Variants in OXA1L observed in about 807,000 individuals in gnomAD.
OXA1L encodes OXA1L mitochondrial inner membrane insertase.
In OXA1L, 42 loss-of-function variants were observed where a neutral mutation model predicts 52.2. That is an observed-to-expected ratio of 0.80 (90% confidence interval 0.63 to 1.04). OXA1L has a LOEUF of 1.04. Among genes scored for constraint, OXA1L ranks in the 50% least tolerant of loss-of-function variants. The pLI is 0.00. For missense variants in OXA1L, 572 were observed against 555.0 expected, an observed-to-expected ratio of 1.03 and a Z score of -0.31; for synonymous variants, 239 against 201.9, an observed-to-expected ratio of 1.18 and a Z score of -1.56.
chr14:22,766,929 C>T (rs763204005), intron 1 of OXA1L, 165 bp downstream of exon 1: 59 of 1,514,242 alleles, frequency 3.9e-5, no homozygotes, highest in Non-Finnish European at 4.6e-5. Context: ...GTCCCCGACA[C>T]TATGGGCCCA....
In OXA1L at chr14:22,767,333, G is replaced by T. The variant is rs368218531; in HGVS notation, c.149G>T (p.Arg50Leu). The change falls in exon 2 of 10, where the codon CGC (arginine) becomes CTC (leucine). Residue 50 changes from arginine (R) to leucine (L), a missense_variant. By Grantham distance (102) the Arg-to-Leu change is moderately radical. Transcript: ENST00000612549. Reference protein sequence around the residue: ...LLFPAAPCCCRPHYLFLAASG... With the variant: ...LLFPAAPCCCLPHYLFLAASG... ...TTCCCAGCAGCCCCGTGCTGCTGTC[G>T]CCCACACTACCTCTTCCTTGCGGCT... is the stretch of plus-strand genomic sequence containing the variant. 1.9e-6 allele frequency: 3 copies of T among 1,613,782 alleles called. No individual in the cohort carries two copies. The highest frequency in any genetic ancestry group is 2.2e-5 in the East Asian group (1 of 44,872).
chr14:22,772,253 G>A lies in OXA1L; in HGVS notation c.*695G>A, dbSNP rs1260812406. On this transcript the variant is annotated 3_prime_UTR_variant, in exon 10 of 10. Transcript: ENST00000612549. ...AATCCCAGCACTTTTGGGAGGCCAA[G>A]GCGGGCGGATCACGAAGTCAGCAGA... The A allele has an allele frequency of 6.6e-6, 1 of 151,418 alleles. No individual in the cohort carries two copies. Among genetic ancestry groups the A allele is most frequent in the Non-Finnish European group, 1.5e-5 (1 of 67,974 alleles). The allele number at this position is 151,418 out of a possible 1,614,324, so 9.4% of individuals were successfully genotyped here.
intron 2 of OXA1L, 108 bp downstream of exon 2, chr14:22,767,517 G>T: frequency 1.2e-6 from 1 of 860,108 alleles, no homozygotes; most frequent in Non-Finnish European, 1.8e-6. Flanking sequence ...TCTTGTCCAC[G>T]CTCCACACAG....
chr14:22,770,106 A>C, intron 4 of OXA1L, 87 bp from the exon 5 acceptor site: 1 of 1,344,440 alleles, frequency 7.4e-7, no homozygotes, highest in South Asian at 1.2e-5. Flanking sequence ...GTTGGTTAGA[A>C]ATTTCACAGG....
Position 22,772,522 on chromosome 14 carries a change from G to T in OXA1L, c.*964G>T, listed in dbSNP as rs74890461. Reference sequence around the variant, plus strand: ...AAAAAAAAAAAAAAAAAAAAAAACAGTTTAAACTTCCAACCCATGCATGTG... The same window carrying T: ...AAAAAAAAAAAAAAAAAAAAAAACATTTTAAACTTCCAACCCATGCATGTG... On this transcript the variant is annotated 3_prime_UTR_variant, in exon 10 of 10. Coordinates refer to ENST00000612549, the MANE Select transcript of OXA1L (RefSeq NM_005015.5). 27 of 62,024 alleles carry T rather than the reference G, an allele frequency of 4.4e-4. 6 individuals carry two copies. The highest frequency in any genetic ancestry group is 7.1e-4 in the African/African-American group (8 of 11,224). The allele number at this position is 62,024 out of a possible 1,614,324, so 3.8% of individuals were successfully genotyped here. A position where few individuals can be genotyped will look rare whatever the true frequency, so the allele number is the denominator to read the frequency against.
At chr14:22,766,947 G>C in intron 1 of OXA1L, 183 bp downstream of exon 1, 1 of 1,515,530 alleles carries the variant, frequency 6.6e-7, no homozygotes, top group East Asian at 2.5e-5. Flanking sequence ...CCAGCAGCCC[G>C]GTGTCAGCTT....
intron 1 of OXA1L, chr14:22,766,975 C>T (rs2038411115): frequency 4.6e-6 from 7 of 1,528,182 alleles, no homozygotes; most frequent in East Asian, 2.4e-5. Flanking sequence ...TGGCTTGGCT[C>T]CTGGCGAGAG....
chr14:22,769,722 TA>T, intron 3 of OXA1L, 68 bp from the exon 4 acceptor site: 2 of 1,559,982 alleles, frequency 1.3e-6, no homozygotes, highest in Non-Finnish European at 1.8e-6. Flanking sequence ...AGTAAGGACC[TA>T]AAAGCCTTCA....
intron 1 of OXA1L, 46 bp from the exon 2 acceptor site, chr14:22,767,202 C>G (rs144489339): frequency 2.2e-5 from 34 of 1,577,998 alleles, no homozygotes; most frequent in Non-Finnish European, 2.9e-5. Context: ...CACGCGAGGA[C>G]TTCTGCTCCC....
In OXA1L at chr14:22,771,740, CA is replaced by C; in HGVS notation, c.*184del. 1.5e-6 allele frequency: 1 copy of C among 647,418 alleles called. No homozygotes were observed. Among genetic ancestry groups the C allele is most frequent in the South Asian group, 1.9e-5 (1 of 53,040 alleles). The allele number at this position is 647,418 out of a possible 1,614,324, so 40.1% of individuals were successfully genotyped here. A position where few individuals can be genotyped will look rare whatever the true frequency, so the allele number is the denominator to read the frequency against. ...TGTTTATAAGAGAGCACTGGGTAGC[CA>C]AGTGATCTTCCCATTCACAGAGTTA... On this transcript the variant is annotated 3_prime_UTR_variant, in exon 10 of 10. Coordinates refer to ENST00000612549, the MANE Select transcript of OXA1L (RefSeq NM_005015.5).
In OXA1L at chr14:22,771,462, C is replaced by T. The variant is rs764833639; in HGVS notation, c.1212C>T (p.Asn404=). 4 of 1,614,124 alleles carry T rather than the reference C, an allele frequency of 2.5e-6. No individual in the cohort carries two copies. The highest frequency in any genetic ancestry group is 1.7e-6 in the Non-Finnish European group (2 of 1,180,002). Residue 404 remains asparagine, a synonymous_variant, in exon 10 of 10, where the codon AAC becomes AAT. Coordinates refer to ENST00000612549, the MANE Select transcript of OXA1L (RefSeq NM_005015.5). ...RGPLRQTFTH[N]PLLQPGKDNP... is the part of the protein sequence containing the mutation. ...CTTTACGACAGACCTTTACCCACAACCCTCTCCTACAACCTGGAAAGGATA... is the reference window on the plus strand; with the variant it reads ...CTTTACGACAGACCTTTACCCACAATCCTCTCCTACAACCTGGAAAGGATA...
At position 22,772,990 on chromosome 14, in the gene OXA1L, A is replaced by C. The variant is rs1398318365; in HGVS notation, c.*1432A>C. On this transcript the variant is annotated 3_prime_UTR_variant, in exon 10 of 10. Coordinates refer to ENST00000612549, the MANE Select transcript of OXA1L (RefSeq NM_005015.5). ...TGGCTACAGAGCAAGATCCTGTCTC[A>C]AAAAGGAAGTTCATGTCATTTTTAT... The C allele has an allele frequency of 3.8e-6, 1 of 261,160 alleles. No individual in the cohort carries two copies. Among genetic ancestry groups the C allele is most frequent in the Non-Finnish European group, 7.4e-6 (1 of 134,864 alleles). 16.2% of individuals were successfully genotyped at this position (261,160 alleles called of 1,614,324 possible). A position where few individuals can be genotyped will look rare whatever the true frequency, so the allele number is the denominator to read the frequency against.
In OXA1L at chr14:22,769,832, A is replaced by C. The variant is rs781161742; in HGVS notation, c.481A>C (p.Thr161Pro). 4 of 1,614,020 alleles carry C rather than the reference A, an allele frequency of 2.5e-6. No homozygotes were observed. The highest frequency in any genetic ancestry group is 1.7e-5 in the Admixed American group (1 of 60,000). ...CTGCCTGATTTTTCCTCTCATCGTG[A>C]CGGGCCAGCGAGAGGCAGCCAGGAT... ...ARCLIFPLIV[T>P]GQREAARIHN... The change falls in exon 4 of 10, where the codon ACG becomes CCG. Residue 161 changes from threonine to proline, a missense_variant. Thr to Pro is a conservative substitution (Grantham distance 38). Around this residue, in one of 5 missense-constraint regions of OXA1L, gnomAD observed 132 missense variants for 124.0 expected, o/e 1.06. Coordinates refer to ENST00000612549, the MANE Select transcript of OXA1L (RefSeq NM_005015.5).
At chr14:22,770,315 A>G (rs773293025) in intron 5 of OXA1L, 37 bp downstream of exon 5, 1 of 1,530,734 alleles carries the variant, frequency 6.5e-7, no homozygotes. Flanking sequence ...TTCATCCAGT[A>G]CCCATGAAAT....
rs773716988 is a variant in OXA1L, at chr14:22,771,092, A to G, written c.1014A>G (p.Val338=). The stretch of plus-strand genomic sequence containing the variant: ...TATCCTGTCTCCGGATTCCAGCAGT[A>G]CGCACTGTACTTAAAATCCCCCAGC... ...VQVSCLRIPA[V]RTVLKIPQRV... is the part of the protein sequence containing the mutation. Residue 338 remains valine, a synonymous_variant, in exon 8 of 10, where the codon GTA becomes GTG. Coordinates refer to ENST00000612549, the MANE Select transcript of OXA1L (RefSeq NM_005015.5). 10 of 1,614,128 alleles carry G rather than the reference A, an allele frequency of 6.2e-6. No individual in the cohort carries two copies. In the African/African-American group the frequency reaches 1.1e-4, roughly 17 times the overall value.
chr14:22,767,319 C>T lies in OXA1L; in HGVS notation c.135C>T (p.Ala45=). 4 of 1,613,710 alleles carry T rather than the reference C, an allele frequency of 2.5e-6. No homozygotes were observed. Among genetic ancestry groups the T allele is most frequent in the South Asian group, 2.2e-5 (2 of 91,058 alleles). The change falls in exon 2 of 10, where the codon GCC becomes GCT. Residue 45 remains alanine (A), a synonymous_variant. Transcript: ENST00000612549. ...CCACACGGCTCCTATTCCCAGCAGCCCCGTGCTGCTGTCGCCCACACTACC... is the reference window on the plus strand; with the variant it reads ...CCACACGGCTCCTATTCCCAGCAGCTCCGTGCTGCTGTCGCCCACACTACC... ...PLTTRLLFPA[A]PCCCRPHYLF...
chr14:22,770,083 A>G, intron 4 of OXA1L, 110 bp from the exon 5 acceptor site: 1 of 1,338,206 alleles, frequency 7.5e-7, no homozygotes, highest in Non-Finnish European at 1.1e-6. Flanking sequence ...AATGCTCCCA[A>G]GGAGTGGCCA....
chr14:22,767,786 C>A, intron 2 of OXA1L, 172 bp from the exon 3 acceptor site: 1 of 553,844 alleles, frequency 1.8e-6, no homozygotes, highest in Middle Eastern at 4.7e-4. Flanking sequence ...CTCTTCCTAA[C>A]TATTGATAAA....
In OXA1L at chr14:22,771,316, G is replaced by A. The variant is rs752723194; in HGVS notation, c.1151G>A (p.Arg384His). The change falls in exon 9 of 10, where the codon CGC becomes CAC. Residue 384 changes from arginine (R) to histidine (H), a missense_variant. This residue lies in a region of OXA1L where 244 missense variants were observed against 240.2 expected (regional missense o/e 1.02). Coordinates refer to ENST00000612549, the MANE Select transcript of OXA1L (RefSeq NM_005015.5). ...MTRQLREREQ[R>H]MRNQLELAAR... is the part of the protein sequence containing the mutation. Reference sequence around the variant, plus strand: ...CGTCAGCTGCGAGAGCGTGAACAACGCATGCGGAATCAGTTGGAGCTAGCA... The same window carrying A: ...CGTCAGCTGCGAGAGCGTGAACAACACATGCGGAATCAGTTGGAGCTAGCA... 17 of 1,614,084 alleles carry A rather than the reference G, an allele frequency of 1.1e-5. No homozygotes were observed. Among genetic ancestry groups the A allele is most frequent in the Non-Finnish European group, 1.3e-5 (15 of 1,180,020 alleles).
Sources: allele counts gnomAD v4.1 joint callset, GRCh38; gene constraint gnomAD v4.1.1; regional missense constraint gnomAD v4.1.1; transcripts MANE v1.5; gene names NCBI Gene and HGNC (gene_info 2026-07-23, HGNC 2026-07-21).